The following SHTN1 variants were observed in gnomAD, a reference collection of about 807,000 sequenced individuals.
SHTN1 encodes shootin 1.
A neutral mutation model predicts 83.1 loss-of-function variants in SHTN1; 42 were observed. That is an observed-to-expected ratio of 0.51 (90% CI 0.39 to 0.65). The LOEUF (loss-of-function observed/expected upper bound fraction) is 0.65. Ranked by LOEUF, SHTN1 falls within the 30% of genes least tolerant of loss-of-function variation. The probability of loss-of-function intolerance (pLI) is 0.00; values close to 1 mark genes in which losing one functional copy is unlikely to be tolerated. For missense variants in SHTN1, 622 were observed against 737.8 expected, an observed-to-expected ratio of 0.84 and a Z score of 1.82; for synonymous variants, 224 against 247.7, an observed-to-expected ratio of 0.90 and a Z score of 0.90.
intron 1 of SHTN1, among the ~76,000 whole-genome samples, chr10:116,998,937 C>T (rs1429575418): frequency 6.6e-6 from 1 of 152,050 alleles, no homozygotes; most frequent in Admixed American, 6.6e-5. Context: ...ACCATCCATA[C>T]CTGTATTAAG....
intron 1 of SHTN1, among the ~76,000 whole-genome samples, chr10:117,000,574 CTTA>C (rs1851788417): frequency 6.6e-6 from 1 of 152,072 alleles, no homozygotes; most frequent in Non-Finnish European, 1.5e-5. Flanking sequence ...TATGTATGTC[CTTA>C]TTATTAAATA....
intron 2 of SHTN1, among the ~76,000 whole-genome samples, chr10:117,018,021 G>C (rs962838982): frequency 6.6e-6 from 1 of 152,016 alleles, no homozygotes. Context: ...AGAAAACATG[G>C]GAAGACTAAA....
chr10:117,032,316 G>C (rs1252180875), intron 2 of SHTN1, among the ~76,000 whole-genome samples: 1 of 152,086 alleles, frequency 6.6e-6, no homozygotes, highest in African/African-American at 2.4e-5. Flanking sequence ...CCATTCTCCT[G>C]CCTCAGCTTC....
At chr10:116,943,879 A>G (rs1849474243) in intron 8 of SHTN1, among the ~76,000 whole-genome samples, 1 of 152,128 alleles carries the variant, frequency 6.6e-6, no homozygotes, top group Non-Finnish European at 1.5e-5. Context: ...CTCATTGCAG[A>G]CCAGCTTTTG....
At chr10:117,000,230 C>T (rs1427557482) in intron 1 of SHTN1, among the ~76,000 whole-genome samples, 1 of 152,200 alleles carries the variant, frequency 6.6e-6, no homozygotes, top group Non-Finnish European at 1.5e-5. Flanking sequence ...ATTGTCAATG[C>T]TTCCGTTTTC....
intron 1 of SHTN1, among the ~76,000 whole-genome samples, chr10:117,066,710 A>G (rs1052296140): frequency 6.6e-6 from 1 of 152,218 alleles, no homozygotes; most frequent in African/African-American, 2.4e-5. Context: ...GCTATCACAT[A>G]CAATACTTAC....
chr10:116,966,953 G>A (rs1850416918), intron 3 of SHTN1, among the ~76,000 whole-genome samples: 1 of 152,186 alleles, frequency 6.6e-6, no homozygotes, highest in African/African-American at 2.4e-5. Context: ...CCAAAGACAG[G>A]TAATATCAAT....
At chr10:117,055,771 C>T (rs187545461) in intron 1 of SHTN1, among the ~76,000 whole-genome samples, 56 of 152,234 alleles carry the variant, frequency 3.7e-4, no homozygotes, top group African/African-American at 1.3e-3. Context: ...AGGAGGCTGA[C>T]GCAGGAGGAT....
At chr10:117,056,654 A>G (rs1248462373) in intron 1 of SHTN1, among the ~76,000 whole-genome samples, 1 of 152,164 alleles carries the variant, frequency 6.6e-6, no homozygotes, top group South Asian at 2.1e-4. Flanking sequence ...TACTAAAAAT[A>G]CAAAAGATTA....
chr10:116,992,972 T>C (rs1851492936), intron 1 of SHTN1, among the ~76,000 whole-genome samples: 1 of 151,908 alleles, frequency 6.6e-6, no homozygotes, highest in African/African-American at 2.4e-5. Flanking sequence ...ATCTTTTTTG[T>C]CTGTATTTTT....
At chr10:116,922,988 A>C (rs1352510883) in intron 11 of SHTN1, among the ~76,000 whole-genome samples, 1 of 152,036 alleles carries the variant, frequency 6.6e-6, no homozygotes, top group African/African-American at 2.4e-5. Context: ...TAAAAATAAT[A>C]ATAATGTAGA....
chr10:117,124,728 C>T (rs761549615), intron 1 of SHTN1, among the ~76,000 whole-genome samples: 1 of 151,746 alleles, frequency 6.6e-6, no homozygotes, highest in Non-Finnish European at 1.5e-5. Flanking sequence ...GAGCTGAGAT[C>T]GCACCACTGC....
At chr10:116,968,172 C>T (rs982179449) in intron 3 of SHTN1, among the ~76,000 whole-genome samples, 1 of 152,096 alleles carries the variant, frequency 6.6e-6, no homozygotes, top group African/African-American at 2.4e-5. Flanking sequence ...CAGAGCGAGA[C>T]TCCATCTCAA....
rs1361020980 is a variant in SHTN1, at chr10:116,906,677, A to G, written c.1430T>C (p.Leu477Ser). The change falls in exon 15 of 17, where the codon TTA (leucine) becomes TCA (serine). Residue 477 changes from leucine (L) to serine (S), a missense_variant. Physicochemically the swap from Leu to Ser is moderately radical, Grantham distance 145 (BLOSUM62 -2). Around this residue, in one of 3 missense-constraint regions of SHTN1, gnomAD observed 231 missense variants for 251.6 expected, o/e 0.92. Transcript: ENST00000355371. ...CTTTCTGCGACGCAAAATCCTTTCT[A>G]ACTCAGTTTCACTGTTTTCAGGGTC... ...SLDPENSETE[L>S]ERILRRRKVT... The G allele has an allele frequency of 6.2e-7, 1 of 1,613,522 alleles. No homozygotes were observed. Among genetic ancestry groups the G allele is most frequent in the South Asian group, 1.1e-5 (1 of 90,998 alleles).
chr10:116,979,210 G>A (rs1416908938), intron 2 of SHTN1, 46 bp downstream of exon 2: 1 of 1,507,998 alleles, frequency 6.6e-7, no homozygotes, highest in African/African-American at 1.4e-5. Flanking sequence ...TGCCGCCTAG[G>A]CTTTTACACA....
rs1456987059 is a variant in SHTN1 at position 116,903,531 on chromosome 10, A to G, written c.1481-1574T>C. Among the ~76,000 whole-genome samples the G allele has an allele frequency of 4.7e-5, 7 of 150,434 alleles. No individual in the cohort carries two copies. In the East Asian group the frequency reaches 1.4e-3, roughly 30 times the overall value. ...CAAGAGAGACTTCATCTCAGAGACA[A>G]AAAAAAAAGGCCTTTTCCTCCCAGC... On this transcript the variant is annotated intron_variant, in intron 15 of 16. Transcript: ENST00000355371.
intron 1 of SHTN1, among the ~76,000 whole-genome samples, chr10:117,088,414 T>C (rs767046291): frequency 2.0e-5 from 3 of 152,218 alleles, no homozygotes; most frequent in Non-Finnish European, 4.4e-5. Flanking sequence ...CTTTTTGAAT[T>C]ATACCTTCTA....
intron 2 of SHTN1, 141 bp downstream of exon 2, chr10:116,979,115 C>T (rs895354531): frequency 3.2e-5 from 22 of 687,440 alleles, no homozygotes; most frequent in Non-Finnish European, 4.7e-5. Context: ...TTGAACCACA[C>T]ATGCAAGAGA....
intron 12 of SHTN1, among the ~76,000 whole-genome samples, chr10:116,917,764 A>G (rs1233897213): frequency 1.3e-5 from 2 of 152,238 alleles, no homozygotes; most frequent in African/African-American, 2.4e-5. Flanking sequence ...TGCCAGAATC[A>G]TAGTGATAAT....
Sources: gnomAD v4.1 joint callset for allele counts (sites outside exome capture counted in the v4.1 genomes callset) on GRCh38, gnomAD v4.1.1 for gene constraint, gnomAD v4.1.1 regional missense constraint, MANE v1.5 for transcripts, NCBI Gene and HGNC (gene_info 2026-07-23, HGNC 2026-07-21) for gene names.